The following MATN2 variants were observed in gnomAD, a reference collection of about 807,000 sequenced individuals.
The protein encoded by MATN2 is matrilin 2.
In MATN2, 69 loss-of-function variants were observed where a neutral mutation model predicts 103.2. The observed-to-expected ratio is 0.67, with a 90% CI of 0.55 to 0.82. MATN2 has a LOEUF of 0.82. Among genes scored for constraint, MATN2 ranks in the 40% least tolerant of loss-of-function variants. MATN2 has a pLI of 0.00. For synonymous variants in MATN2, 429 were observed against 450.2 expected, an observed-to-expected ratio of 0.95 and a Z score of 0.60; for missense variants, 1,023 against 1,211.5, an observed-to-expected ratio of 0.84 and a Z score of 2.31.
At chr8:97,916,927 G>A (rs932386967) in intron 2 of MATN2, among the ~76,000 whole-genome samples, 4 of 152,104 alleles carry the variant, frequency 2.6e-5, no homozygotes, top group African/African-American at 4.8e-5. Flanking sequence ...GTGATGTGGC[G>A]TGTTTTTCCT....
At chr8:97,979,120 G>T (rs1234448579) in intron 6 of MATN2, 112 bp downstream of exon 6, 2 of 1,275,290 alleles carry the variant, frequency 1.6e-6, no homozygotes, top group African/African-American at 3.0e-5. Context: ...TGTCATGGGG[G>T]TCTAATACCT....
intron 1 of MATN2, among the ~76,000 whole-genome samples, chr8:97,881,913 C>CTTTTTTTTTTTTTTTTTT (rs34704905): frequency 3.6e-5 from 3 of 84,090 alleles, no homozygotes; most frequent in African/African-American, 4.6e-5. Context: ...TATTACTTAT[C>CTTTTTTTTTTTTTTTTTT]TTTTTTTTTT....
chr8:97,931,211 C>A lies in MATN2; in HGVS notation c.401C>A (p.Thr134Asn), dbSNP rs1403014958. The change falls in exon 3 of 19, where the codon ACC (threonine) becomes AAC (asparagine). Residue 134 changes from threonine (T) to asparagine (N), a missense_variant. Transcript: ENST00000254898. The surrounding 1 kb of genome is among the most constrained non-coding windows in gnomAD (Gnocchi z 4.1). ...AGGATGCGGCATCTGTCCACGGGCA[C>A]CATGACTGGGCTGGCCATCCAGTAT... ...VKRMRHLSTG[T>N]MTGLAIQYAL... The A allele has an allele frequency of 6.2e-7, 1 of 1,613,518 alleles. No homozygotes were observed. Among genetic ancestry groups the A allele is most frequent in the South Asian group, 1.1e-5 (1 of 91,040 alleles).
intron 5 of MATN2, among the ~76,000 whole-genome samples, chr8:97,977,718 C>T (rs1361466182): frequency 1.3e-5 from 2 of 152,104 alleles, no homozygotes; most frequent in African/African-American, 2.4e-5. Flanking sequence ...ATGGGTCCCT[C>T]CTGACTGCCC....
At chr8:98,010,422 A>G (rs984714278) in intron 10 of MATN2, among the ~76,000 whole-genome samples, 1 of 152,266 alleles carries the variant, frequency 6.6e-6, no homozygotes, top group South Asian at 2.1e-4. Context: ...CTTCTACCCT[A>G]GGCAAGGGAA....
rs560509035 is a variant in MATN2, at chr8:97,995,857, A to G, written c.1204+1255A>G. On this transcript the variant is annotated intron_variant, in intron 7 of 18. Transcript: ENST00000254898. ...TTGTGAGGGTACAAACCCTGCACACATTCAAGCATTAAATGAAAATTTTAA... is the reference window on the plus strand; with the variant it reads ...TTGTGAGGGTACAAACCCTGCACACGTTCAAGCATTAAATGAAAATTTTAA... Among the ~76,000 whole-genome samples the G allele has an allele frequency of 4.6e-5, 7 of 152,372 alleles. No individual in the cohort carries two copies. The East Asian group carries it at 1.3e-3, about 29-fold the overall frequency.
At chr8:97,999,107 G>C (rs943354184) in intron 7 of MATN2, among the ~76,000 whole-genome samples, 1 of 152,174 alleles carries the variant, frequency 6.6e-6, no homozygotes, top group Non-Finnish European at 1.5e-5. Context: ...TTGTCCTTTT[G>C]TAACCAGCTT....
intron 2 of MATN2, among the ~76,000 whole-genome samples, chr8:97,894,323 CTTTTTTT>C (rs58988866): frequency 1.7e-5 from 1 of 59,212 alleles, no homozygotes; most frequent in African/African-American, 6.3e-5. Context: ...AAGAATTCAC[CTTTTTTT>C]TTTTTTTTTT....
intron 4 of MATN2, among the ~76,000 whole-genome samples, chr8:97,946,871 T>G (rs1810768934): frequency 6.6e-6 from 1 of 152,212 alleles, no homozygotes; most frequent in Non-Finnish European, 1.5e-5. Context: ...TGTTAGAGTT[T>G]AAACAAGGAG....
chr8:98,017,900 C>A, intron 11 of MATN2, 94 bp from the exon 12 acceptor site: 2 of 1,406,606 alleles, frequency 1.4e-6, no homozygotes, highest in Non-Finnish European at 2.0e-6. Context: ...CAGATAGAAT[C>A]CAGTAGCTGA....
At chr8:97,885,903 T>C (rs1347418032) in intron 1 of MATN2, among the ~76,000 whole-genome samples, 3 of 152,234 alleles carry the variant, frequency 2.0e-5, no homozygotes, top group African/African-American at 4.8e-5. Flanking sequence ...GTCCATGGTC[T>C]GTTAGGAACC....
intron 1 of MATN2, among the ~76,000 whole-genome samples, chr8:97,870,744 C>G (rs184381502): frequency 6.6e-6 from 1 of 152,136 alleles, no homozygotes; most frequent in Non-Finnish European, 1.5e-5. Context: ...GGAGTCCACA[C>G]GGGCGCAGTT....
chr8:98,002,493 C>G (rs1398985552), intron 7 of MATN2, among the ~76,000 whole-genome samples: 1 of 152,238 alleles, frequency 6.6e-6, no homozygotes, highest in Non-Finnish European at 1.5e-5. Context: ...TAGACAGAAG[C>G]TCTCTACATG....
chr8:97,998,090 G>A (rs1385696344), intron 7 of MATN2, among the ~76,000 whole-genome samples: 3 of 151,364 alleles, frequency 2.0e-5, no homozygotes, highest in Non-Finnish European at 4.4e-5. Flanking sequence ...AAAGTGCTGG[G>A]ATTACAGGCA....
Position 98,032,297 on chromosome 8 carries a change from A to C in MATN2, c.2561A>C (p.Lys854Thr). The C allele has an allele frequency of 6.2e-7, 1 of 1,611,752 alleles. No homozygotes were observed. Among genetic ancestry groups the C allele is most frequent in the Non-Finnish European group, 8.5e-7 (1 of 1,178,832 alleles). Residue 854 changes from lysine (K) to threonine (T), a missense_variant, in exon 16 of 19, where the codon AAA (lysine) becomes ACA (threonine). Physicochemically the swap from Lys to Thr is moderately conservative, Grantham distance 78. Coordinates refer to ENST00000254898, the MANE Select transcript of MATN2 (RefSeq NM_002380.5). The part of the protein sequence containing the change: ...RQDSPAGELP[K>T]TVQQPTESEP... ...GACTCTCCAGCAGGGGAACTGCCAA[A>C]AACGGTCCAACAGCCAACAGGTACA...
chr8:97,923,535 TTCTCTC>T (rs35773325), intron 2 of MATN2, among the ~76,000 whole-genome samples: 144 of 148,550 alleles, frequency 9.7e-4, no homozygotes, highest in Non-Finnish European at 1.2e-3. Flanking sequence ...AGCCACTCAC[TTCTCTC>T]TCTCTCTCTC....
At chr8:97,927,870 C>A (rs1307764924) in intron 2 of MATN2, among the ~76,000 whole-genome samples, 1 of 152,206 alleles carries the variant, frequency 6.6e-6, no homozygotes, top group African/African-American at 2.4e-5. Flanking sequence ...TCCAAGGAGG[C>A]TCTGCTACTT....
chr8:98,002,822 C>G (rs1352810091), intron 7 of MATN2, among the ~76,000 whole-genome samples: 1 of 152,142 alleles, frequency 6.6e-6, no homozygotes, highest in Non-Finnish European at 1.5e-5. Context: ...GTTTGCCTGC[C>G]TTTCCACCTC....
At chr8:97,988,432 C>T (rs1464225732) in intron 6 of MATN2, among the ~76,000 whole-genome samples, 1 of 149,692 alleles carries the variant, frequency 6.7e-6, no homozygotes, top group Non-Finnish European at 1.5e-5. Context: ...TCTAGATCAG[C>T]CTGAGTAACA....
Sources: allele counts gnomAD v4.1 joint callset (sites outside exome capture counted in the v4.1 genomes callset), GRCh38; gene constraint gnomAD v4.1.1; non-coding constraint Gnocchi (gnomAD v3.1); transcripts MANE v1.5; gene names NCBI Gene and HGNC (gene_info 2026-07-23, HGNC 2026-07-21).